Variants in BRAF observed in about 807,000 individuals in gnomAD.
BRAF encodes B-Raf proto-oncogene, serine/threonine kinase.
In BRAF, 16 loss-of-function variants were observed where a neutral mutation model predicts 104.6. The ratio of observed to expected loss-of-function variants is 0.15; its 90% CI spans 0.10 to 0.23. The LOEUF (loss-of-function observed/expected upper bound fraction) is 0.23. Among genes scored for constraint, BRAF ranks in the 10% least tolerant of loss-of-function variants. The pLI, the probability that BRAF is intolerant of heterozygous loss-of-function variation, is 1.00. For synonymous variants in BRAF, 310 were observed against 341.6 expected (o/e 0.91, Z 1.02); for missense variants, 541 against 937.3 (o/e 0.58, Z 5.52).
chr7:140,866,268 ACTC>A (rs1357898999), intron 1 of BRAF, among the ~76,000 whole-genome samples: 1 of 151,986 alleles, frequency 6.6e-6, no homozygotes, highest in African/African-American at 2.4e-5. Flanking sequence ...TTTTGGTACA[ACTC>A]CTGGTCATAA....
intron 1 of BRAF, among the ~76,000 whole-genome samples, chr7:140,894,255 G>A (rs1411569113): frequency 6.6e-6 from 1 of 152,064 alleles, no homozygotes; most frequent in Non-Finnish European, 1.5e-5. Flanking sequence ...GGCTGAAGAA[G>A]AAAAAAGGAA....
intron 1 of BRAF, among the ~76,000 whole-genome samples, chr7:140,854,828 C>T (rs1046713085): frequency 2.6e-5 from 4 of 152,138 alleles, no homozygotes; most frequent in Non-Finnish European, 1.5e-5. Flanking sequence ...GCCTGTAATC[C>T]CAGCTACCCA....
chr7:140,720,141 T>C lies in BRAF; in HGVS notation c.*6353A>G. ...TGAATGATCAAATTCAATCCCCTGA[T>C]CAGTTGTATGATCCTATCTTAGGAA... On this transcript the variant is annotated 3_prime_UTR_variant, in exon 20 of 20. Coordinates refer to ENST00000644969, the MANE Select transcript of BRAF (RefSeq NM_001374258.1). 7 of 1,061,472 alleles carry C rather than the reference T, an allele frequency of 6.6e-6. No individual in the cohort carries two copies. Among genetic ancestry groups the C allele is most frequent in the Non-Finnish European group, 8.0e-6 (7 of 876,884 alleles). 65.8% of individuals were successfully genotyped at this position (1,061,472 alleles called of 1,614,324 possible). A position where few individuals can be genotyped will look rare whatever the true frequency, so the allele number is the denominator to read the frequency against.
chr7:140,861,007 T>C (rs1235075385), intron 1 of BRAF, among the ~76,000 whole-genome samples: 3 of 152,210 alleles, frequency 2.0e-5, no homozygotes, highest in African/African-American at 4.8e-5. Context: ...GCTAGCGCTA[T>C]ATTTATCAAC....
At chr7:140,824,652 G>GAA (rs113849057) in intron 3 of BRAF, among the ~76,000 whole-genome samples, 3 of 127,606 alleles carry the variant, frequency 2.4e-5, no homozygotes, top group African/African-American at 5.8e-5. Flanking sequence ...TATTTCTGAG[G>GAA]AAAAAAAAAA....
downstream of BRAF, among the ~76,000 whole-genome samples, chr7:140,715,536 C>T (rs1479205880): frequency 6.6e-6 from 1 of 152,132 alleles, no homozygotes; most frequent in African/African-American, 2.4e-5. Context: ...TCATTAGCCC[C>T]ATTCCTTAGA....
intron 7 of BRAF, chr7:140,799,342 T>G (rs1258877486): frequency 4.3e-6 from 1 of 232,578 alleles, no homozygotes; most frequent in Non-Finnish European, 8.5e-6. Flanking sequence ...TCACCCTAAA[T>G]TTTCTGTCAA....
At chr7:140,726,792 C>G (rs563697406) in intron 19 of BRAF, among the ~76,000 whole-genome samples, 1 of 152,344 alleles carries the variant, frequency 6.6e-6, no homozygotes, top group South Asian at 2.1e-4. Flanking sequence ...AAGCTGAAAA[C>G]AGTTCCAATG....
intron 8 of BRAF, among the ~76,000 whole-genome samples, chr7:140,790,397 C>T (rs1801832773): frequency 6.6e-6 from 1 of 152,116 alleles, no homozygotes; most frequent in Non-Finnish European, 1.5e-5. Context: ...CAACTTTTTT[C>T]CCACTCTTTT....
chr7:140,778,920 G>T (rs1243177387), intron 12 of BRAF, among the ~76,000 whole-genome samples: 1 of 151,990 alleles, frequency 6.6e-6, no homozygotes, highest in East Asian at 1.9e-4. Context: ...TTCACCAAAA[G>T]ACATACACTA....
intron 3 of BRAF, among the ~76,000 whole-genome samples, chr7:140,828,320 G>C (rs1414644948): frequency 6.6e-6 from 1 of 152,190 alleles, no homozygotes; most frequent in Non-Finnish European, 1.5e-5. Flanking sequence ...TGGTGGGTTA[G>C]ATTTGTTGAG....
At chr7:140,717,898 A>G (rs1273273555), downstream of BRAF, among the ~76,000 whole-genome samples, 1 of 152,076 alleles carries the variant, frequency 6.6e-6, no homozygotes, top group Non-Finnish European at 1.5e-5. Flanking sequence ...ATTTATTTTT[A>G]TTTTTAGCGT....
downstream of BRAF, among the ~76,000 whole-genome samples, chr7:140,717,752 T>C (rs1196465716): frequency 6.6e-6 from 1 of 152,190 alleles, no homozygotes; most frequent in Non-Finnish European, 1.5e-5. Context: ...TATGGTATAG[T>C]ATGTTCTTAA....
intron 1 of BRAF, among the ~76,000 whole-genome samples, chr7:140,862,454 A>C (rs537078869): frequency 2.0e-5 from 3 of 152,212 alleles, no homozygotes; most frequent in Non-Finnish European, 4.4e-5. Context: ...TAGAATAAAT[A>C]AAGATTATGC....
At chr7:140,893,534 C>T (rs1439621478) in intron 1 of BRAF, among the ~76,000 whole-genome samples, 1 of 152,018 alleles carries the variant, frequency 6.6e-6, no homozygotes, top group African/African-American at 2.4e-5. Flanking sequence ...CAGGTGTGAG[C>T]CACTGTGCCC....
chr7:140,763,986 C>T (rs987190114), intron 14 of BRAF, among the ~76,000 whole-genome samples: 1 of 152,144 alleles, frequency 6.6e-6, no homozygotes, highest in Non-Finnish European at 1.5e-5. Context: ...CAGGCAGAGA[C>T]ACAACCAAAA....
intron 7 of BRAF, chr7:140,800,110 C>A: frequency 1.9e-6 from 1 of 527,510 alleles, no homozygotes; most frequent in East Asian, 3.3e-5. Flanking sequence ...AGAAGCATGT[C>A]ACTGAAGAGC....
intron 18 of BRAF, among the ~76,000 whole-genome samples, chr7:140,739,375 A>G (rs1252334297): frequency 1.3e-5 from 2 of 152,108 alleles, no homozygotes; most frequent in South Asian, 2.1e-4. Flanking sequence ...ACTCCTCACT[A>G]ATTTTTTTCT....
At chr7:140,768,948 T>A (rs893778410) in intron 14 of BRAF, among the ~76,000 whole-genome samples, 1 of 152,228 alleles carries the variant, frequency 6.6e-6, no homozygotes, top group Non-Finnish European at 1.5e-5. Flanking sequence ...GCCCAGCAGA[T>A]GTTAGCACCA....
Sources: gnomAD v4.1 joint callset for allele counts (sites outside exome capture counted in the v4.1 genomes callset) on GRCh38, gnomAD v4.1.1 for gene constraint, MANE v1.5 for transcripts, NCBI Gene and HGNC (gene_info 2026-07-23, HGNC 2026-07-21) for gene names.